Variants in HIPK1 observed in about 807,000 individuals in gnomAD.
HIPK1 encodes the protein homeodomain-interacting protein kinase 1.
In HIPK1, 28 loss-of-function variants were observed where a neutral mutation model predicts 117.1. The observed-to-expected ratio is 0.24, with a 90% confidence interval of 0.18 to 0.33. The LOEUF is 0.33. Ranked by LOEUF, HIPK1 falls within the 10% of genes least tolerant of loss-of-function variation. The pLI is 1.00. For missense variants in HIPK1, 1,122 were observed against 1,475.1 expected, an observed-to-expected ratio of 0.76 and a Z score of 3.92; for synonymous variants, 605 against 562.5, an observed-to-expected ratio of 1.08 and a Z score of -1.07.
chr1:113,951,315 A>C, intron 2 of HIPK1: 1 of 967,310 alleles, frequency 1.0e-6, no homozygotes, highest in Non-Finnish European at 1.2e-6. Flanking sequence ...ACTTATTGAG[A>C]AACAGTGTAA....
In HIPK1 at chr1:113,968,540, A is replaced by G. The variant is rs756216164; in HGVS notation, c.2663A>G (p.Asp888Gly). ...TATAATTCCTTGGTCCCTGTCCAAG[A>G]TCAGCATCAGCCCATCATCATTCCA... ...SSYNSLVPVQ[D>G]QHQPIIIPDT... Residue 888 changes from aspartate (D) to glycine (G), a missense_variant, in exon 13 of 16, where the codon GAT becomes GGT. By Grantham distance (94) the Asp-to-Gly change is moderately conservative. Around this residue, in one of 6 missense-constraint regions of HIPK1, gnomAD observed 731 missense variants for 860.4 expected, o/e 0.85. Coordinates refer to ENST00000426820, the MANE Select transcript of HIPK1 (RefSeq NM_198268.3). 8.1e-6 allele frequency: 13 copies of G among 1,614,006 alleles called. 1 individual carries two copies. In the South Asian group the frequency reaches 1.4e-4, roughly 18 times the overall value.
chr1:113,929,396 G>A lies in HIPK1; in HGVS notation c.-139G>A, dbSNP rs1410552729. The A allele has an allele frequency of 4.7e-6, 6 of 1,289,328 alleles. No individual in the cohort carries two copies. The highest frequency in any genetic ancestry group is 5.1e-6 in the Non-Finnish European group (5 of 988,888). The allele number at this position is 1,289,328 out of a possible 1,614,324, so 79.9% of individuals were successfully genotyped here. On this transcript the variant is annotated 5_prime_UTR_variant, in exon 1 of 16. Transcript: ENST00000426820. Reference sequence around the variant, plus strand: ...ACCGCAGAGTCTGCAGTGCGGAGGGGGCGGGAAGTCCAGGCCCCGCACTCG... The same window carrying A: ...ACCGCAGAGTCTGCAGTGCGGAGGGAGCGGGAAGTCCAGGCCCCGCACTCG...
At chr1:113,963,671 G>A in intron 10 of HIPK1, 150 bp downstream of exon 10, 1 of 771,922 alleles carries the variant, frequency 1.3e-6, no homozygotes, top group Non-Finnish European at 2.0e-6. Flanking sequence ...ATGGAAGCAT[G>A]TGCCATCTTG....
chr1:113,949,587 CTTCTT>C (rs1303073192), intron 2 of HIPK1, among the ~76,000 whole-genome samples: 4 of 141,244 alleles, frequency 2.8e-5, no homozygotes, highest in South Asian at 2.2e-4. Flanking sequence ...TTGAGGGTTA[CTTCTT>C]TTCTTTTCTT....
Position 113,940,648 on chromosome 1 carries a change from G to T in HIPK1, c.265G>T (p.Ala89Ser). The T allele has an allele frequency of 6.2e-7, 1 of 1,614,160 alleles. No homozygotes were observed. The highest frequency in any genetic ancestry group is 1.1e-5 in the South Asian group (1 of 91,088). The change falls in exon 2 of 16, where the codon GCT becomes TCT. Residue 89 changes from alanine (A) to serine (S), a missense_variant. By Grantham distance (99) the Ala-to-Ser change is moderately conservative. Transcript: ENST00000426820. The part of the protein sequence containing the change: ...PAVEHIVVTA[A>S]DSSGSAATST... ...AGTGGAGCATATTGTTGTAACAGCC[G>T]CTGATAGCTCGGGCAGTGCTGCTAC... is the stretch of plus-strand genomic sequence containing the variant.
chr1:113,949,873 T>C (rs931558410), intron 2 of HIPK1, among the ~76,000 whole-genome samples: 7 of 152,206 alleles, frequency 4.6e-5, no homozygotes, highest in African/African-American at 1.7e-4. Flanking sequence ...GTGCTTGTAT[T>C]ACAGGCATGA....
chr1:113,935,207 G>A (rs1184723897), intron 1 of HIPK1, among the ~76,000 whole-genome samples: 1 of 152,026 alleles, frequency 6.6e-6, no homozygotes, highest in Non-Finnish European at 1.5e-5. Flanking sequence ...AGGCCCCAGT[G>A]TCTGTGGTTG....
rs1255538161 is a variant in HIPK1, at chr1:113,977,747, A to G, written c.*4235A>G. 9.8e-5 allele frequency: 15 copies of G among 152,744 alleles called. No individual in the cohort carries two copies. Among genetic ancestry groups the G allele is most frequent in the Non-Finnish European group, 1.5e-5 (1 of 68,044 alleles). The allele number at this position is 152,744 out of a possible 1,614,324, so 9.5% of individuals were successfully genotyped here. A position where few individuals can be genotyped will look rare whatever the true frequency, so the allele number is the denominator to read the frequency against. ...GTATTTTCAGTATTTTCTACATAAT[A>G]TGGTAAAATGTAGAGCAATTGCAAT... On this transcript the variant is annotated 3_prime_UTR_variant, in exon 16 of 16. Transcript: ENST00000426820.
Position 113,940,479 on chromosome 1 carries a change from T to C in HIPK1, c.96T>C (p.Asp32=). 2 of 1,614,184 alleles carry C rather than the reference T, an allele frequency of 1.2e-6. No individual in the cohort carries two copies. The highest frequency in any genetic ancestry group is 1.7e-6 in the Non-Finnish European group (2 of 1,180,028). The change falls in exon 2 of 16, where the codon GAT becomes GAC. Residue 32 remains aspartate (D), a synonymous_variant. Transcript: ENST00000426820. ...TGAAAATAGAGCCCTCTGGCTGGGA[T>C]GTTTCAGGACAGAGTAGCAACGACA... is the stretch of plus-strand genomic sequence containing the variant. ...KKLKIEPSGW[D]VSGQSSNDKY...
rs551033455 is a variant in HIPK1, at chr1:113,931,930, T to A, written c.-3+2398T>A. Among the ~76,000 whole-genome samples, 45 of 152,294 alleles carry A rather than the reference T, an allele frequency of 3.0e-4. 1 individual carries two copies. The East Asian group carries it at 7.5e-3, about 25-fold the overall frequency. ...ATTTTTTAGGTCTTTTTAAAAAAAA[T>A]TTACTATTATTCCTCCCGTTATCTT... On this transcript the variant is annotated intron_variant, in intron 1 of 15. Coordinates refer to ENST00000426820, the MANE Select transcript of HIPK1 (RefSeq NM_198268.3).
intron 6 of HIPK1, 69 bp from the exon 7 acceptor site, chr1:113,957,055 C>T: frequency 7.8e-7 from 1 of 1,284,040 alleles, no homozygotes; most frequent in Non-Finnish European, 1.1e-6. Context: ...GATCCATGTT[C>T]ATCTTGAGTT....
At chr1:113,970,381 C>T (rs12057233) in intron 14 of HIPK1, among the ~76,000 whole-genome samples, 184 bp downstream of exon 14, 1,923 of 152,320 alleles carry the variant, frequency 0.013, 40 homozygotes, top group African/African-American at 0.044. Flanking sequence ...CTTTATCTTC[C>T]TGTGTTTATT....
rs1186475849 is a variant in HIPK1 at position 113,955,607 on chromosome 1, A to G, written c.1365A>G (p.Glu455=). The change falls in exon 5 of 16, where the codon GAA becomes GAG. Residue 455 remains glutamate (E), a synonymous_variant. Coordinates refer to ENST00000426820, the MANE Select transcript of HIPK1 (RefSeq NM_198268.3). ...TGGAGACTGGAATAAAATCAAAAGA[A>G]GCTCGGAAGTACATTTTTAATTGCT... is the stretch of plus-strand genomic sequence containing the variant. ...HELETGIKSK[E]ARKYIFNCLD... is the part of the protein sequence containing the mutation. The G allele has an allele frequency of 6.2e-7, 1 of 1,608,990 alleles. No homozygotes were observed. Among genetic ancestry groups the G allele is most frequent in the Non-Finnish European group, 8.5e-7 (1 of 1,175,638 alleles).
At chr1:113,965,329 T>G (rs1672377309) in intron 10 of HIPK1, among the ~76,000 whole-genome samples, 1 of 152,174 alleles carries the variant, frequency 6.6e-6, no homozygotes. Flanking sequence ...GAGGAAGAAG[T>G]ACAGAAAACA....
chr1:113,953,379 G>C (rs1394896752), intron 3 of HIPK1, among the ~76,000 whole-genome samples: 2 of 152,214 alleles, frequency 1.3e-5, no homozygotes, highest in African/African-American at 4.8e-5. Flanking sequence ...CATCTGAGTT[G>C]TAGTAATATA....
chr1:113,938,171 T>C lies in HIPK1; in HGVS notation c.-2-2211T>C, dbSNP rs116797263. On this transcript the variant is annotated intron_variant, in intron 1 of 15. Coordinates refer to ENST00000426820, the MANE Select transcript of HIPK1 (RefSeq NM_198268.3). ...TCCCGGTAGAGATGGAGTCTCCCCATGTTGCTCTGGCTGGTCTTGAACTCG... is the reference window on the plus strand; with the variant it reads ...TCCCGGTAGAGATGGAGTCTCCCCACGTTGCTCTGGCTGGTCTTGAACTCG... Among the ~76,000 whole-genome samples the C allele has an allele frequency of 6.0e-3, 903 of 151,104 alleles. 9 individuals carry two copies. The highest frequency in any genetic ancestry group is 0.041 in the Middle Eastern group (12 of 294).
rs1224908563 is a variant in HIPK1 at position 113,940,666 on chromosome 1, G to A, written c.283G>A (p.Ala95Thr). Residue 95 changes from alanine (A) to threonine (T), a missense_variant, in exon 2 of 16, where the codon GCT becomes ACT. Transcript: ENST00000426820. ...VVTAADSSGSAATSTFQSSQT... is the reference protein window; with the variant it reads ...VVTAADSSGSTATSTFQSSQT... Reference sequence around the variant, plus strand: ...AACAGCCGCTGATAGCTCGGGCAGTGCTGCTACATCAACCTTCCAAAGCAG... The same window carrying A: ...AACAGCCGCTGATAGCTCGGGCAGTACTGCTACATCAACCTTCCAAAGCAG... 6 of 1,614,112 alleles carry A rather than the reference G, an allele frequency of 3.7e-6. No homozygotes were observed. The highest frequency in any genetic ancestry group is 5.1e-6 in the Non-Finnish European group (6 of 1,180,060).
In HIPK1 at chr1:113,941,492, G is replaced by A; in HGVS notation, c.1076+33G>A. The stretch of plus-strand genomic sequence containing the variant: ...GCAAATGCTGAAAATCGTATCTTAG[G>A]CTAGAGTTCTGTCCTTATATTTAAC... On this transcript the variant is annotated intron_variant, in intron 2 of 15. Coordinates refer to ENST00000426820, the MANE Select transcript of HIPK1 (RefSeq NM_198268.3). This position sits in a 1 kb window ranked among gnomAD's most constrained non-coding sequence, Gnocchi z 4.9. The A allele has an allele frequency of 6.5e-7, 1 of 1,542,260 alleles. No individual in the cohort carries two copies. Among genetic ancestry groups the A allele is most frequent in the Non-Finnish European group, 8.9e-7 (1 of 1,124,806 alleles).
In HIPK1 at chr1:113,963,473, C is replaced by T. The variant is rs367569194; in HGVS notation, c.2190C>T (p.Ser730=). The change falls in exon 10 of 16, where the codon AGC becomes AGT. Residue 730 remains serine (S), a synonymous_variant. Transcript: ENST00000426820. ...AGTATGCGGTGCCCTTTACTCTGAG[C>T]TGCGCAGCCGGCCGGCCGGCGCTGG... The part of the protein sequence containing the change: ...TPQYAVPFTL[S]CAAGRPALVE... 5.0e-6 allele frequency: 8 copies of T among 1,614,228 alleles called. No individual in the cohort carries two copies. Among genetic ancestry groups the T allele is most frequent in the East Asian group, 2.2e-5 (1 of 44,884 alleles).
Sources: allele counts gnomAD v4.1 joint callset (sites outside exome capture counted in the v4.1 genomes callset), GRCh38; gene constraint gnomAD v4.1.1; regional missense constraint gnomAD v4.1.1; non-coding constraint Gnocchi (gnomAD v3.1); transcripts MANE v1.5; gene names NCBI Gene and HGNC (gene_info 2026-07-23, HGNC 2026-07-21).